Variants in VANGL1 observed in about 807,000 individuals in gnomAD.
The protein encoded by VANGL1 is vang-like protein 1.
VANGL1 carries 18 observed loss-of-function variants against 48.4 expected under a neutral mutation model. That is an observed-to-expected ratio of 0.37 (90% CI 0.26 to 0.55). The LOEUF (loss-of-function observed/expected upper bound fraction) is 0.55. Among genes scored for constraint, VANGL1 ranks in the 20% least tolerant of loss-of-function variants. The probability of loss-of-function intolerance (pLI) is 0.81; values close to 1 mark genes in which losing one functional copy is unlikely to be tolerated. For missense variants in VANGL1, 667 were observed against 675.8 expected (o/e 0.99, Z 0.14); for synonymous variants, 257 against 261.8 (o/e 0.98, Z 0.18).
intron 3 of VANGL1, among the ~76,000 whole-genome samples, chr1:115,662,792 T>C (rs183575078): frequency 2.0e-5 from 3 of 151,494 alleles, no homozygotes; most frequent in African/African-American, 7.3e-5. Context: ...GGAGATTTTT[T>C]TTTTTTTTTT....
chr1:115,645,903 A>G (rs1469429409), intron 1 of VANGL1, among the ~76,000 whole-genome samples: 1 of 152,216 alleles, frequency 6.6e-6, no homozygotes, highest in East Asian at 1.9e-4. Context: ...GTGTCTCTGT[A>G]ACCCTTACAA....
At chr1:115,666,015 G>A (rs1480279311) in intron 4 of VANGL1, among the ~76,000 whole-genome samples, 4 of 152,202 alleles carry the variant, frequency 2.6e-5, no homozygotes, top group African/African-American at 9.7e-5. Flanking sequence ...GAGAATTTCA[G>A]ATTGTGGCAG....
intron 3 of VANGL1, among the ~76,000 whole-genome samples, chr1:115,660,994 C>T (rs1652525719): frequency 6.6e-6 from 1 of 152,102 alleles, no homozygotes; most frequent in Admixed American, 6.5e-5. Flanking sequence ...TTCAGAGGTG[C>T]CAGTGGCCTA....
In VANGL1 at chr1:115,694,334, A is replaced by C. The variant is rs945926593; in HGVS notation, c.*2955A>C. On this transcript the variant is annotated 3_prime_UTR_variant, in exon 8 of 8. Coordinates refer to ENST00000355485, the MANE Select transcript of VANGL1 (RefSeq NM_138959.3). ...CCTTTTGACATCTACATGGAAGACA[A>C]GTTCTTTACAGCAAATGGTAAGAGG... 6.6e-6 allele frequency: 1 copy of C among 152,098 alleles called. No homozygotes were observed. Among genetic ancestry groups the C allele is most frequent in the Non-Finnish European group, 1.5e-5 (1 of 68,022 alleles). The allele number at this position is 152,098 out of a possible 1,614,324, so 9.4% of individuals were successfully genotyped here.
Position 115,646,186 on chromosome 1 carries a change from T to C in VANGL1, c.-138+4100T>C, listed in dbSNP as rs868158663. Among the ~76,000 whole-genome samples the C allele has an allele frequency of 6.6e-5, 10 of 152,208 alleles. 1 individual carries two copies. Among genetic ancestry groups the C allele is most frequent in the South Asian group, 4.1e-4 (2 of 4,830 alleles). On this transcript the variant is annotated intron_variant, in intron 1 of 7. Coordinates refer to ENST00000355485, the MANE Select transcript of VANGL1 (RefSeq NM_138959.3). ...ATAAAGGGTGGTGAAGGAGGTTCTT[T>C]CTGACATTTTTGCCTAGGAAGTCCA...
chr1:115,674,415 G>A (rs10801914), intron 4 of VANGL1, among the ~76,000 whole-genome samples: 97,624 of 152,054 alleles, frequency 0.64, 31,839 homozygotes, highest in South Asian at 0.74. Context: ...CTCATAATTC[G>A]TAACTGCTTT....
intron 4 of VANGL1, among the ~76,000 whole-genome samples, chr1:115,668,835 CA>C (rs1225429226): frequency 2.0e-5 from 3 of 152,210 alleles, no homozygotes; most frequent in Non-Finnish European, 4.4e-5. Context: ...CTCCCAGGAG[CA>C]CAAAAGCAGA....
At chr1:115,681,627 C>T (rs1028580118) in intron 4 of VANGL1, among the ~76,000 whole-genome samples, 1 of 151,604 alleles carries the variant, frequency 6.6e-6, no homozygotes, top group African/African-American at 2.4e-5. Context: ...CCGTTTCAGC[C>T]TCCCGAGTAG....
chr1:115,670,855 AG>A (rs1652947646), intron 4 of VANGL1, among the ~76,000 whole-genome samples: 1 of 152,256 alleles, frequency 6.6e-6, no homozygotes, highest in Admixed American at 6.5e-5. Flanking sequence ...AGCAAAGCAA[AG>A]GACAAGAACA....
chr1:115,671,785 C>G (rs1447139908), intron 4 of VANGL1, among the ~76,000 whole-genome samples: 1 of 152,204 alleles, frequency 6.6e-6, no homozygotes, highest in East Asian at 1.9e-4. Context: ...GTGGCAGAGC[C>G]AAGCCCCTCA....
At chr1:115,690,819 G>T (rs1375285692) in intron 7 of VANGL1, among the ~76,000 whole-genome samples, 1 of 152,180 alleles carries the variant, frequency 6.6e-6, no homozygotes, top group Admixed American at 6.5e-5. Flanking sequence ...AGCCATGACG[G>T]CTTCCAGCCA....
rs1654081477 is a variant in VANGL1 at position 115,697,720 on chromosome 1, A to G, written c.*6341A>G. The stretch of plus-strand genomic sequence containing the variant: ...CTGATTTCAAGTCCAGCACCAATTT[A>G]GAAAGTTCAGAGATGAAACCACCTG... On this transcript the variant is annotated 3_prime_UTR_variant, in exon 8 of 8. Coordinates refer to ENST00000355485, the MANE Select transcript of VANGL1 (RefSeq NM_138959.3). 6.6e-6 allele frequency: 1 copy of G among 152,244 alleles called. No homozygotes were observed. 9.4% of individuals were successfully genotyped at this position (152,244 alleles called of 1,614,324 possible). A position where few individuals can be genotyped will look rare whatever the true frequency, so the allele number is the denominator to read the frequency against.
At chr1:115,647,657 A>G (rs947469545) in intron 1 of VANGL1, among the ~76,000 whole-genome samples, 1 of 152,172 alleles carries the variant, frequency 6.6e-6, no homozygotes, top group Non-Finnish European at 1.5e-5. Flanking sequence ...GAGGCTTTGT[A>G]GTGGTCTAGC....
chr1:115,663,055 G>T (rs1019443682), intron 3 of VANGL1, among the ~76,000 whole-genome samples: 2 of 152,170 alleles, frequency 1.3e-5, no homozygotes, highest in Non-Finnish European at 2.9e-5. Flanking sequence ...AAAGTACGGG[G>T]ATTACAGGTG....
intron 1 of VANGL1, among the ~76,000 whole-genome samples, chr1:115,648,230 C>T (rs974635636): frequency 6.6e-6 from 1 of 152,094 alleles, no homozygotes; most frequent in Non-Finnish European, 1.5e-5. Context: ...GGTGGATGGA[C>T]TAATAAATGA....
At chr1:115,675,983 T>C (rs1273304100) in intron 4 of VANGL1, among the ~76,000 whole-genome samples, 1 of 152,178 alleles carries the variant, frequency 6.6e-6, no homozygotes, top group African/African-American at 2.4e-5. Context: ...GTGTATATTC[T>C]AGCCACCAAC....
intron 4 of VANGL1, among the ~76,000 whole-genome samples, chr1:115,677,120 T>C (rs1000858626): frequency 6.6e-6 from 1 of 152,262 alleles, no homozygotes; most frequent in Non-Finnish European, 1.5e-5. Context: ...ATGGTCTAGA[T>C]ATGCAGGGCA....
intron 4 of VANGL1, among the ~76,000 whole-genome samples, chr1:115,665,490 G>C (rs1403464617): frequency 1.3e-5 from 2 of 152,242 alleles, no homozygotes; most frequent in Non-Finnish European, 2.9e-5. Flanking sequence ...CTTTGTCATA[G>C]ATTTGGCTGG....
Position 115,685,389 on chromosome 1 carries a change from G to A in VANGL1, c.1176G>A (p.Glu392=). ...KAPGEVMDPR[E]AAQAIFPSMA... Reference sequence around the variant, plus strand: ...CAGGGGAGGTGATGGACCCTAGGGAGGCCGCCCAGGCCATTTTCCCCTCCA... The same window carrying A: ...CAGGGGAGGTGATGGACCCTAGGGAAGCCGCCCAGGCCATTTTCCCCTCCA... The change falls in exon 7 of 8, where the codon GAG becomes GAA. Residue 392 remains glutamate, a synonymous_variant. Transcript: ENST00000355485. The A allele has an allele frequency of 6.2e-7, 1 of 1,614,166 alleles. No individual in the cohort carries two copies. The highest frequency in any genetic ancestry group is 8.5e-7 in the Non-Finnish European group (1 of 1,180,034).
Sources: gnomAD v4.1 joint callset for allele counts (sites outside exome capture counted in the v4.1 genomes callset) on GRCh38, gnomAD v4.1.1 for gene constraint, MANE v1.5 for transcripts, NCBI Gene and HGNC (gene_info 2026-07-23, HGNC 2026-07-21) for gene names.